The following HEBP2 variants were observed in gnomAD, a reference collection of about 807,000 sequenced individuals.
The protein encoded by HEBP2 is heme-binding protein 2.
HEBP2 carries 27 observed loss-of-function variants against 23.1 expected under a neutral mutation model. The ratio of observed to expected loss-of-function variants is 1.17; its 90% CI spans 0.86 to 1.61. The LOEUF (loss-of-function observed/expected upper bound fraction) is 1.61. HEBP2 is among the 40% of genes most tolerant of loss of function. HEBP2 has a pLI of 0.00. For synonymous variants in HEBP2, 99 were observed against 95.1 expected, an observed-to-expected ratio of 1.04 and a Z score of -0.24; for missense variants, 245 against 253.8, an observed-to-expected ratio of 0.97 and a Z score of 0.24.
chr6:138,417,245 G>A lies in HEBP2; in HGVS notation c.*4167G>A, dbSNP rs1473013261. On this transcript the variant is annotated 3_prime_UTR_variant, in exon 4 of 4. Transcript: ENST00000607197. Reference sequence around the variant, plus strand: ...ATGTATAATTGAGACTGACATCCTTGGCAGGCAGAATAACCCCTACATTTG... The same window carrying A: ...ATGTATAATTGAGACTGACATCCTTAGCAGGCAGAATAACCCCTACATTTG... 1 of 152,204 alleles carries A rather than the reference G, an allele frequency of 6.6e-6. No individual in the cohort carries two copies. Among genetic ancestry groups the A allele is most frequent in the African/African-American group, 2.4e-5 (1 of 41,434 alleles). The allele number at this position is 152,204 out of a possible 1,614,324, so 9.4% of individuals were successfully genotyped here.
chr6:138,411,522 T>C (rs757194931), intron 3 of HEBP2, among the ~76,000 whole-genome samples: 12 of 152,210 alleles, frequency 7.9e-5, no homozygotes, highest in Non-Finnish European at 1.6e-4. Context: ...TTTTTAGATT[T>C]ATGGTCTCTT....
At chr6:138,409,147 C>T (rs993565688) in intron 3 of HEBP2, among the ~76,000 whole-genome samples, 4 of 152,114 alleles carry the variant, frequency 2.6e-5, no homozygotes, top group Non-Finnish European at 5.9e-5. Flanking sequence ...CCACTTCAGC[C>T]TCCTGAGTAG....
rs1020730106 is a variant in HEBP2, at chr6:138,421,865, C to G, written c.*8787C>G. ...TTTCCACGTGCCCTTGTAGATGGTG[C>G]CATCCAGTGTCTGTGATGTTCCACC... On this transcript the variant is annotated 3_prime_UTR_variant, in exon 4 of 4. Coordinates refer to ENST00000607197, the MANE Select transcript of HEBP2 (RefSeq NM_014320.3). 3 of 152,190 alleles carry G rather than the reference C, an allele frequency of 2.0e-5. No individual in the cohort carries two copies. The highest frequency in any genetic ancestry group is 1.3e-4 in the Admixed American group (2 of 15,282). 9.4% of individuals were successfully genotyped at this position (152,190 alleles called of 1,614,324 possible).
chr6:138,412,492 C>T (rs1421530853), intron 3 of HEBP2, among the ~76,000 whole-genome samples: 18 of 152,020 alleles, frequency 1.2e-4, no homozygotes, highest in Non-Finnish European at 1.5e-5. Flanking sequence ...TGCACTCTGT[C>T]GCCCAGGCTG....
chr6:138,409,122 G>A (rs1774701442), intron 3 of HEBP2, among the ~76,000 whole-genome samples: 4 of 151,998 alleles, frequency 2.6e-5, no homozygotes, highest in African/African-American at 9.7e-5. Context: ...GAACATCTGG[G>A]CTCAAGGGAT....
intron 3 of HEBP2, among the ~76,000 whole-genome samples, chr6:138,409,647 C>T (rs1774710042): frequency 6.6e-6 from 1 of 152,234 alleles, no homozygotes; most frequent in African/African-American, 2.4e-5. Context: ...CACACTGGAA[C>T]TGTCATCTTT....
chr6:138,413,095 T>G lies in HEBP2; in HGVS notation c.*17T>G. 3 of 1,597,996 alleles carry G rather than the reference T, an allele frequency of 1.9e-6. No homozygotes were observed. The highest frequency in any genetic ancestry group is 2.6e-6 in the Non-Finnish European group (3 of 1,166,766). On this transcript the variant is annotated 3_prime_UTR_variant, in exon 4 of 4. Coordinates refer to ENST00000607197, the MANE Select transcript of HEBP2 (RefSeq NM_014320.3). The stretch of plus-strand genomic sequence containing the variant: ...AACGAATGAGAAAAATGAAAGGAAG[T>G]TCTGCTGTCAGAGGCAAAACATCTG...
intron 3 of HEBP2, 126 bp downstream of exon 3, chr6:138,406,277 G>T: frequency 6.1e-6 from 5 of 819,908 alleles, no homozygotes; most frequent in Non-Finnish European, 9.9e-6. Context: ...AATGCATTTT[G>T]TGATGTTTTC....
At chr6:138,411,893 C>G (rs577514051) in intron 3 of HEBP2, among the ~76,000 whole-genome samples, 2 of 152,200 alleles carry the variant, frequency 1.3e-5, no homozygotes, top group South Asian at 2.1e-4. Context: ...CAAGGATGCT[C>G]TGCCACCATA....
At position 138,404,616 on chromosome 6, in the gene HEBP2, G is replaced by A; in HGVS notation, c.102+19G>A. ...CCCCCAGGTAGGCGCCGACTCGGGA[G>A]CGGAGGGGCTGGGCCCGCCTTCCGG... On this transcript the variant is annotated intron_variant, in intron 1 of 3. Coordinates refer to ENST00000607197, the MANE Select transcript of HEBP2 (RefSeq NM_014320.3). 1.6e-6 allele frequency: 2 copies of A among 1,259,986 alleles called. No homozygotes were observed. Among genetic ancestry groups the A allele is most frequent in the Non-Finnish European group, 2.0e-6 (2 of 999,524 alleles). The allele number at this position is 1,259,986 out of a possible 1,614,324, so 78.1% of individuals were successfully genotyped here.
chr6:138,412,808 C>A (rs548804087), intron 3 of HEBP2, 72 bp from the exon 4 acceptor site: 663 of 1,344,214 alleles, frequency 4.9e-4, no homozygotes, highest in Non-Finnish European at 6.5e-4. Flanking sequence ...TACTAGCGCC[C>A]GCTTTTTGCT....
chr6:138,407,631 T>C lies in HEBP2; in HGVS notation c.419+1480T>C, dbSNP rs932255496. On this transcript the variant is annotated intron_variant, in intron 3 of 3. Transcript: ENST00000607197. ...GCCCTCCCAGTCTGGTGTGCCCGGC[T>C]CCCATGGCTCTGTTAGCCATTTCCC... Among the ~76,000 whole-genome samples the C allele has an allele frequency of 5.9e-5, 9 of 152,302 alleles. No homozygotes were observed. The South Asian group carries it at 8.3e-4, about 14-fold the overall frequency.
rs1371925941 is a variant in HEBP2, at chr6:138,419,857, A to G, written c.*6779A>G. The G allele has an allele frequency of 2.0e-5, 3 of 152,178 alleles. No homozygotes were observed. Among genetic ancestry groups the G allele is most frequent in the Non-Finnish European group, 4.4e-5 (3 of 68,040 alleles). The allele number at this position is 152,178 out of a possible 1,614,324, so 9.4% of individuals were successfully genotyped here. A position where few individuals can be genotyped will look rare whatever the true frequency, so the allele number is the denominator to read the frequency against. On this transcript the variant is annotated 3_prime_UTR_variant, in exon 4 of 4. Coordinates refer to ENST00000607197, the MANE Select transcript of HEBP2 (RefSeq NM_014320.3). ...AAGTCCTAGTTCTCAGAGACTGTAT[A>G]CCTTCTCTAGGCAATATTGCAAGAA...
intron 3 of HEBP2, among the ~76,000 whole-genome samples, chr6:138,408,583 G>A (rs1241441174): frequency 6.6e-6 from 1 of 152,156 alleles, no homozygotes; most frequent in African/African-American, 2.4e-5. Flanking sequence ...CAGTGCCTCT[G>A]TATCTGCCAC....
Position 138,412,801 on chromosome 6 carries a change from T to C in HEBP2, c.420-79T>C, listed in dbSNP as rs370917569. 4.2e-5 allele frequency: 52 copies of C among 1,238,152 alleles called. No individual in the cohort carries two copies. The East Asian group carries it at 1.1e-3, about 27-fold the overall frequency. 76.7% of individuals were successfully genotyped at this position (1,238,152 alleles called of 1,614,324 possible). A position where few individuals can be genotyped will look rare whatever the true frequency, so the allele number is the denominator to read the frequency against. On this transcript the variant is annotated intron_variant, in intron 3 of 3. Coordinates refer to ENST00000607197, the MANE Select transcript of HEBP2 (RefSeq NM_014320.3). ...GCACTTCACTCAGCATTCACGGTAC[T>C]AGCGCCCGCTTTTTGCTTCAGACTG...
At chr6:138,408,695 C>G (rs1318308982) in intron 3 of HEBP2, among the ~76,000 whole-genome samples, 2 of 151,812 alleles carry the variant, frequency 1.3e-5, no homozygotes, top group Non-Finnish European at 2.9e-5. Context: ...GTGTCACTCT[C>G]TTGTCATTTC....
chr6:138,404,685 A>C, intron 1 of HEBP2, 88 bp downstream of exon 1: 1 of 871,320 alleles, frequency 1.1e-6, no homozygotes, highest in Non-Finnish European at 1.5e-6. Flanking sequence ...GTTAAGTAAA[A>C]AGTACAGTTT....
chr6:138,413,126 C>A lies in HEBP2; in HGVS notation c.*48C>A. 7.0e-7 allele frequency: 1 copy of A among 1,420,392 alleles called. No individual in the cohort carries two copies. The highest frequency in any genetic ancestry group is 9.9e-7 in the Non-Finnish European group (1 of 1,007,926). 88.0% of individuals were successfully genotyped at this position (1,420,392 alleles called of 1,614,324 possible). On this transcript the variant is annotated 3_prime_UTR_variant, in exon 4 of 4. Coordinates refer to ENST00000607197, the MANE Select transcript of HEBP2 (RefSeq NM_014320.3). ...TGTCAGAGGCAAAACATCTGTTTAT[C>A]ATAGACATCAACATGACCTATAAGT...
upstream of HEBP2, chr6:138,403,729 C>T: frequency 2.5e-6 from 1 of 406,966 alleles, no homozygotes; most frequent in Non-Finnish European, 4.4e-6. Context: ...GCACTAGTGT[C>T]TGGCCTCGGC....
Sources: gnomAD v4.1 joint callset for allele counts (sites outside exome capture counted in the v4.1 genomes callset) on GRCh38, gnomAD v4.1.1 for gene constraint, MANE v1.5 for transcripts, NCBI Gene and HGNC (gene_info 2026-07-23, HGNC 2026-07-21) for gene names.